SPAG17: variants seen among roughly 807,000 people sequenced by gnomAD.
SPAG17 encodes the protein sperm-associated antigen 17.
Under a neutral mutation model 273.6 loss-of-function variants are expected in SPAG17, and 169 were observed. The observed-to-expected ratio is 0.62, with a 90% CI of 0.55 to 0.70. SPAG17 has a LOEUF of 0.70. Among genes scored for constraint, SPAG17 ranks in the 30% least tolerant of loss-of-function variants. The pLI, the probability that SPAG17 is intolerant of heterozygous loss-of-function variation, is 0.00. For synonymous variants in SPAG17, 825 were observed against 873.2 expected, an observed-to-expected ratio of 0.94 and a Z score of 0.97; for missense variants, 2,557 against 2,627.8, an observed-to-expected ratio of 0.97 and a Z score of 0.59.
chr1:118,156,734 C>G (rs1335112095), intron 1 of SPAG17, among the ~76,000 whole-genome samples: 2 of 152,184 alleles, frequency 1.3e-5, no homozygotes, highest in Non-Finnish European at 2.9e-5. Flanking sequence ...TAGAAGGCAT[C>G]TTGATGGCCT....
chr1:118,172,180 G>A (rs1385984972), intron 1 of SPAG17, among the ~76,000 whole-genome samples: 2 of 152,146 alleles, frequency 1.3e-5, no homozygotes, highest in East Asian at 3.8e-4. Flanking sequence ...ATATATTATA[G>A]TAGATGTTTC....
chr1:117,996,283 A>G, intron 34 of SPAG17, 87 bp downstream of exon 34: 1 of 1,432,074 alleles, frequency 7.0e-7, no homozygotes. Flanking sequence ...CGGAAAAAGT[A>G]AGATGACATG....
chr1:118,035,713 G>A (rs1649000220), intron 24 of SPAG17, among the ~76,000 whole-genome samples: 1 of 152,068 alleles, frequency 6.6e-6, no homozygotes, highest in Admixed American at 6.5e-5. Flanking sequence ...CTAACATAAA[G>A]TTTTAAGTTT....
rs535296861 is a variant in SPAG17 at position 117,994,413 on chromosome 1, G to A, written c.5171C>T (p.Ser1724Leu). ...LRSRSWETFP[S>L]VEKKTPGPPF... Reference sequence around the variant, plus strand: ...TTAGAAGAAATTATATACCTCAACTGAGGGAAATGTTTCCCATGACCTTGA... The same window carrying A: ...TTAGAAGAAATTATATACCTCAACTAAGGGAAATGTTTCCCATGACCTTGA... The change falls in exon 35 of 49, where the codon TCA becomes TTA. Residue 1724 changes from serine (S) to leucine (L), a missense_variant. Ser to Leu is a moderately radical substitution (Grantham distance 145, BLOSUM62 -2). Coordinates refer to ENST00000336338, the MANE Select transcript of SPAG17 (RefSeq NM_206996.4). The A allele has an allele frequency of 6.2e-7, 1 of 1,612,074 alleles. No homozygotes were observed. The highest frequency in any genetic ancestry group is 1.3e-5 in the African/African-American group (1 of 74,948).
intron 3 of SPAG17, among the ~76,000 whole-genome samples, chr1:118,121,847 G>C (rs1414254467): frequency 6.6e-6 from 1 of 152,160 alleles, no homozygotes; most frequent in Non-Finnish European, 1.5e-5. Flanking sequence ...ATATTGAAGA[G>C]CTGATAAAAA....
chr1:118,074,466 T>C, intron 16 of SPAG17, 73 bp downstream of exon 16: 1 of 1,243,288 alleles, frequency 8.0e-7, no homozygotes, highest in Non-Finnish European at 1.2e-6. Flanking sequence ...TCTTTTTCAG[T>C]GTTTCTTACT....
chr1:118,090,163 A>T (rs1414164127), intron 10 of SPAG17, among the ~76,000 whole-genome samples: 1 of 152,202 alleles, frequency 6.6e-6, no homozygotes, highest in Non-Finnish European at 1.5e-5. Flanking sequence ...AGATTACATG[A>T]GTTAACATAT....
At chr1:118,002,289 T>C (rs1294198095) in intron 32 of SPAG17, among the ~76,000 whole-genome samples, 1 of 152,194 alleles carries the variant, frequency 6.6e-6, no homozygotes, top group Non-Finnish European at 1.5e-5. Context: ...CTGAGAAGAA[T>C]GTATATTCTG....
Position 118,028,138 on chromosome 1 carries a change from T to C in SPAG17, c.3730+136A>G, listed in dbSNP as rs985866151. 449 of 1,030,996 alleles carry C rather than the reference T, an allele frequency of 4.4e-4. 3 individuals carry two copies. Among genetic ancestry groups the C allele is most frequent in the Middle Eastern group, 1.3e-3 (6 of 4,622 alleles). The allele number at this position is 1,030,996 out of a possible 1,614,324, so 63.9% of individuals were successfully genotyped here. A position where few individuals can be genotyped will look rare whatever the true frequency, so the allele number is the denominator to read the frequency against. On this transcript the variant is annotated intron_variant, in intron 26 of 48. Coordinates refer to ENST00000336338, the MANE Select transcript of SPAG17 (RefSeq NM_206996.4). ...TTAGACAGTGCCTGGCCATAGTAAA[T>C]GCTACAAATGTGAAAACAGTCTATT...
chr1:118,040,903 A>G, intron 21 of SPAG17, 62 bp from the exon 22 acceptor site: 1 of 1,131,112 alleles, frequency 8.8e-7, no homozygotes, highest in Non-Finnish European at 1.3e-6. Flanking sequence ...TCAACTTATC[A>G]GTGTTAGCCA....
At chr1:118,092,914 T>G (rs1482635708) in intron 8 of SPAG17, among the ~76,000 whole-genome samples, 1 of 152,238 alleles carries the variant, frequency 6.6e-6, no homozygotes, top group Non-Finnish European at 1.5e-5. Flanking sequence ...ATATCTTTCC[T>G]GTCACAGATG....
chr1:117,984,685 G>T lies in SPAG17; in HGVS notation c.5767C>A (p.Gln1923Lys). Reference protein sequence around the residue: ...KSELNQLYQSQYNHLDSLSKK... With the variant: ...KSELNQLYQSKYNHLDSLSKK... ...TATAGTTCATTATATTCAATTACCT[G>T]AGACTGATATAACTGGTTCAATTCA... Residue 1923 changes from glutamine (Q) to lysine (K), a missense_variant and splice_region_variant, in exon 41 of 49, where the codon CAG (glutamine) becomes AAG (lysine). Coordinates refer to ENST00000336338, the MANE Select transcript of SPAG17 (RefSeq NM_206996.4). 1.3e-6 allele frequency: 2 copies of T among 1,577,974 alleles called. No homozygotes were observed. Among genetic ancestry groups the T allele is most frequent in the Non-Finnish European group, 8.7e-7 (1 of 1,149,566 alleles).
intron 1 of SPAG17, among the ~76,000 whole-genome samples, chr1:118,160,141 C>T (rs557260861): frequency 3.3e-5 from 5 of 152,174 alleles, no homozygotes; most frequent in Middle Eastern, 3.4e-3. Flanking sequence ...AGAGACTCAC[C>T]CGCCCTAAAA....
In SPAG17 at chr1:118,086,989, T is replaced by A. The variant is rs1655046367; in HGVS notation, c.1379A>T (p.Asp460Val). 3 of 1,568,022 alleles carry A rather than the reference T, an allele frequency of 1.9e-6. No homozygotes were observed. The highest frequency in any genetic ancestry group is 2.6e-6 in the Non-Finnish European group (3 of 1,161,352). Residue 460 changes from aspartate (D) to valine (V), a missense_variant, in exon 11 of 49, where the codon GAT becomes GTT. Asp to Val is a radical substitution (Grantham distance 152, BLOSUM62 -3). Coordinates refer to ENST00000336338, the MANE Select transcript of SPAG17 (RefSeq NM_206996.4). ...MLEQVVATEEDLVPPSLREPS... is the reference protein window; with the variant it reads ...MLEQVVATEEVLVPPSLREPS... Reference sequence around the variant, plus strand: ...CTCCCGCAGACTGGGTGGGACGAGATCTTCTTCAGTTGCAACAACCTGTTG... The same window carrying A: ...CTCCCGCAGACTGGGTGGGACGAGAACTTCTTCAGTTGCAACAACCTGTTG...
chr1:118,172,382 T>C (rs1660455157), intron 1 of SPAG17, among the ~76,000 whole-genome samples: 1 of 152,084 alleles, frequency 6.6e-6, no homozygotes, highest in Admixed American at 6.6e-5. Context: ...GGTTAAGAGG[T>C]GCATGGGTTG....
chr1:118,037,648 G>A (rs771113716), intron 23 of SPAG17, among the ~76,000 whole-genome samples: 3 of 152,090 alleles, frequency 2.0e-5, no homozygotes, highest in Non-Finnish European at 2.9e-5. Flanking sequence ...AATGGCCTCC[G>A]CTGCATCCAT....
intron 31 of SPAG17, among the ~76,000 whole-genome samples, chr1:118,006,493 T>C (rs1241586509): frequency 6.6e-6 from 1 of 152,262 alleles, no homozygotes; most frequent in African/African-American, 2.4e-5. Flanking sequence ...TATTCACTTA[T>C]GAGTTGCCAT....
intron 3 of SPAG17, among the ~76,000 whole-genome samples, chr1:118,118,589 A>C (rs1349654294): frequency 6.6e-6 from 1 of 152,156 alleles, no homozygotes; most frequent in Non-Finnish European, 1.5e-5. Context: ...AATGGAGAAA[A>C]ATGTTGCCAG....
chr1:118,033,982 T>C (rs2101894526), intron 24 of SPAG17, among the ~76,000 whole-genome samples: 1 of 152,320 alleles, frequency 6.6e-6, no homozygotes, highest in South Asian at 2.1e-4. Context: ...GACAGTGAGT[T>C]CTTTGTGTAG....
Sources: allele counts gnomAD v4.1 joint callset (sites outside exome capture counted in the v4.1 genomes callset), GRCh38; gene constraint gnomAD v4.1.1; transcripts MANE v1.5; gene names NCBI Gene and HGNC (gene_info 2026-07-23, HGNC 2026-07-21).